LOC128462377: variants seen among roughly 807,000 people sequenced by gnomAD.
the LOC128462377 span, among the ~76,000 whole-genome samples, chr16:89,349,800 A>T: frequency 2.6e-5 from 4 of 151,960 alleles, no homozygotes; most frequent in Non-Finnish European, 5.9e-5. Flanking sequence ...ATCAAACTAA[A>T]AACTTTAGCT....
chr16:89,352,401 C>T, the LOC128462377 span, among the ~76,000 whole-genome samples: 4 of 151,474 alleles, frequency 2.6e-5, no homozygotes, highest in African/African-American at 9.7e-5. Context: ...AGCAGAAGGC[C>T]ACAGTGACGC....
chr16:89,330,711 G>C, the LOC128462377 span, among the ~76,000 whole-genome samples: 1 of 136,328 alleles, frequency 7.3e-6, no homozygotes, highest in Admixed American at 8.1e-5. Flanking sequence ...TCTTGTATCG[G>C]AAGTCCCACG....
chr16:89,317,336 G>A, the LOC128462377 span, among the ~76,000 whole-genome samples: 2 of 152,222 alleles, frequency 1.3e-5, no homozygotes, highest in Non-Finnish European at 2.9e-5. Context: ...AGAAAGGGAC[G>A]CATGGCCTAG....
chr16:89,354,361 C>T, the LOC128462377 span, among the ~76,000 whole-genome samples: 1 of 151,628 alleles, frequency 6.6e-6, no homozygotes, highest in Non-Finnish European at 1.5e-5. Flanking sequence ...AATGATTTTA[C>T]TAACATTAGA....
chr16:89,330,143 A>G, the LOC128462377 span, among the ~76,000 whole-genome samples: 5 of 152,212 alleles, frequency 3.3e-5, no homozygotes, highest in Non-Finnish European at 7.4e-5. Flanking sequence ...GATTTAAAGC[A>G]TTCAATATAA....
the LOC128462377 span, among the ~76,000 whole-genome samples, chr16:89,363,131 A>G: frequency 6.6e-6 from 1 of 152,206 alleles, no homozygotes; most frequent in African/African-American, 2.4e-5. Flanking sequence ...GCACCAGGGC[A>G]CAAGCATTTC....
the LOC128462377 span, among the ~76,000 whole-genome samples, chr16:89,358,975 A>G: frequency 6.6e-6 from 1 of 152,096 alleles, no homozygotes; most frequent in Admixed American, 6.6e-5. Context: ...ACAGGCATGC[A>G]CCACCACACC....
chr16:89,327,971 C>A, the LOC128462377 span, among the ~76,000 whole-genome samples: 977 of 152,318 alleles, frequency 6.4e-3, 2 homozygotes, highest in Non-Finnish European at 0.01. Context: ...GGAAAAATAT[C>A]TGCAAATCAC....
chr16:89,392,303 A>G, the LOC128462377 span: 1 of 152,460 alleles, frequency 6.6e-6, no homozygotes, highest in Non-Finnish European at 1.5e-5. Flanking sequence ...CTATTTCTTT[A>G]CGGCACCAGG....
chr16:89,415,927 C>A, the LOC128462377 span, among the ~76,000 whole-genome samples: 1 of 151,278 alleles, frequency 6.6e-6, no homozygotes, highest in African/African-American at 2.4e-5. Flanking sequence ...TCTGGTCACA[C>A]TGCGCCCAAC....
At chr16:89,367,813 G>A in the LOC128462377 span, among the ~76,000 whole-genome samples, 33 of 152,174 alleles carry the variant, frequency 2.2e-4, no homozygotes, top group African/African-American at 6.3e-4. Flanking sequence ...CAGGTGGGGA[G>A]CCTGGGCAAC....
At chr16:89,366,979 T>G in the LOC128462377 span, among the ~76,000 whole-genome samples, 1 of 152,214 alleles carries the variant, frequency 6.6e-6, no homozygotes, top group African/African-American at 2.4e-5. Flanking sequence ...TTAGGTCCGC[T>G]GATTGTGGTT....
At chr16:89,351,417 C>T in the LOC128462377 span, among the ~76,000 whole-genome samples, 1 of 152,308 alleles carries the variant, frequency 6.6e-6, no homozygotes, top group East Asian at 1.9e-4. Flanking sequence ...CACCACACAC[C>T]CTCCACTACC....
the LOC128462377 span, among the ~76,000 whole-genome samples, chr16:89,367,455 C>G: frequency 6.6e-6 from 1 of 152,188 alleles, no homozygotes; most frequent in Admixed American, 6.5e-5. Context: ...GACCGGGAGT[C>G]TCAGGGGAGC....
chr16:89,358,214 C>A, the LOC128462377 span, among the ~76,000 whole-genome samples: 1 of 152,242 alleles, frequency 6.6e-6, no homozygotes, highest in East Asian at 1.9e-4. Flanking sequence ...AGCCCCCACA[C>A]CTCACTCTGG....
the LOC128462377 span, among the ~76,000 whole-genome samples, chr16:89,335,449 G>C: frequency 1.3e-5 from 2 of 152,234 alleles, no homozygotes; most frequent in South Asian, 4.1e-4. Flanking sequence ...TTCAGGATGA[G>C]TGGGTTCCCA....
the LOC128462377 span, among the ~76,000 whole-genome samples, chr16:89,414,254 TATC>T: frequency 6.6e-6 from 1 of 152,236 alleles, no homozygotes; most frequent in East Asian, 1.9e-4. Flanking sequence ...CTGCCTTTGT[TATC>T]ATTAACAAAC....
the LOC128462377 span, among the ~76,000 whole-genome samples, chr16:89,388,293 A>ATTTTTTTTTTT: frequency 0.025 from 2,104 of 85,174 alleles, 374 homozygotes; most frequent in Non-Finnish European, 0.036. Context: ...CATGAGGCTG[A>ATTTTTTTTTTT]TTTTTTTTTT....
At chr16:89,329,353 A>AT in the LOC128462377 span, among the ~76,000 whole-genome samples, 19 of 152,212 alleles carry the variant, frequency 1.2e-4, no homozygotes, top group South Asian at 6.2e-4. Flanking sequence ...GGATGCTGCT[A>AT]TTTTTGCAAC....
Sources: gnomAD v4.1 joint callset for allele counts (sites outside exome capture counted in the v4.1 genomes callset) on GRCh38, gnomAD v4.1.1 for gene constraint, MANE v1.5 for transcripts.